FAM186A: variants seen among roughly 807,000 people sequenced by gnomAD.
The protein encoded by FAM186A is protein FAM186A.
In FAM186A, 163 loss-of-function variants were observed where a neutral mutation model predicts 216.8. The ratio of observed to expected loss-of-function variants is 0.75; its 90% confidence interval spans 0.66 to 0.86. FAM186A has a LOEUF of 0.86. Ranked by LOEUF, FAM186A falls within the 40% of genes least tolerant of loss-of-function variation. The pLI is 0.00. For missense variants in FAM186A, 2,184 were observed against 2,746.2 expected (o/e 0.80, Z 4.58); for synonymous variants, 805 against 1,025.3 (o/e 0.79, Z 4.10).
intron 1 of FAM186A, among the ~76,000 whole-genome samples, chr12:50,394,732 CTTTTTTTTTTTTTTT>C (rs71083561): frequency 3.4e-5 from 1 of 29,384 alleles, no homozygotes; most frequent in Non-Finnish European, 5.6e-5. Flanking sequence ...GGCTAACACT[CTTTTTTTTTTTTTTT>C]TTTTTTTTTT....
rs1010375624 is a variant in FAM186A at position 50,383,693 on chromosome 12, G to A, written c.192+12600C>T. Among the ~76,000 whole-genome samples the A allele has an allele frequency of 4.5e-4, 68 of 152,164 alleles. 1 individual carries two copies. Among genetic ancestry groups the A allele is most frequent in the Non-Finnish European group, 1.5e-4 (10 of 68,032 alleles). Reference sequence around the variant, plus strand: ...GTTTTTCTGTTGGCTGCAGCAGGCTGGCTGTGGTTTTTCTCTTGCCATGAC... The same window carrying A: ...GTTTTTCTGTTGGCTGCAGCAGGCTAGCTGTGGTTTTTCTCTTGCCATGAC... On this transcript the variant is annotated intron_variant, in intron 1 of 7. Transcript: ENST00000327337.
At chr12:50,346,237 A>AAAGAAAGAAAGAAAGAAAGAAAG (rs1383898895) in intron 4 of FAM186A, among the ~76,000 whole-genome samples, 14,638 of 102,062 alleles carry the variant, frequency 0.14, 4,074 homozygotes, top group East Asian at 0.18. Context: ...AAGAAAGAAA[A>AAAGAAAGAAAGAAAGAAAGAAAG]AAAGAAAGAA....
Position 50,344,866 on chromosome 12 carries a change from C to T in FAM186A, c.6503+5463G>A, listed in dbSNP as rs552068525. On this transcript the variant is annotated intron_variant, in intron 4 of 7. Transcript: ENST00000327337. The stretch of plus-strand genomic sequence containing the variant: ...GCATAGGCCTGTAGTCCCAGCTACT[C>T]GGAGGCTGATATGGGAAAATTGCAT... Among the ~76,000 whole-genome samples, 14 of 152,136 alleles carry T rather than the reference C, an allele frequency of 9.2e-5. No individual in the cohort carries two copies. In the South Asian group the frequency reaches 2.3e-3, roughly 25 times the overall value.
Position 50,351,263 on chromosome 12 carries a change from A to C in FAM186A, c.5569T>G (p.Ser1857Ala), listed in dbSNP as rs757088591. The change falls in exon 4 of 8, where the codon TCT becomes GCT. Residue 1857 changes from serine to alanine, a missense_variant. Ser to Ala is a moderately conservative substitution (Grantham distance 99). This residue lies in a region of FAM186A where 721 missense variants were observed against 816.4 expected (regional missense o/e 0.88). Coordinates refer to ENST00000327337, the MANE Select transcript of FAM186A (RefSeq NM_001145475.3). ...TCAGGAACTAAGGGCTGCCCAGGAGAAAGAGGAGCCCAGAGACTTGGAATC... is the reference window on the plus strand; with the variant it reads ...TCAGGAACTAAGGGCTGCCCAGGAGCAAGAGGAGCCCAGAGACTTGGAATC... ...GQIPSLWAPL[S>A]PGQPLVPEAS... 313 of 1,550,410 alleles carry C rather than the reference A, an allele frequency of 2.0e-4. No homozygotes were observed. The highest frequency in any genetic ancestry group is 2.6e-4 in the Non-Finnish European group (296 of 1,146,604).
At chr12:50,374,214 G>C (rs924158935) in intron 1 of FAM186A, among the ~76,000 whole-genome samples, 7 of 151,470 alleles carry the variant, frequency 4.6e-5, no homozygotes, top group Non-Finnish European at 7.4e-5. Flanking sequence ...TGACGAGTTA[G>C]TGGGTGCAGC....
In FAM186A at chr12:50,350,569, G is replaced by A. The variant is rs1942865881; in HGVS notation, c.6263C>T (p.Pro2088Leu). ...ILSSVSDTKK[P>L]KVMVPPSSPQ... Reference sequence around the variant, plus strand: ...AGAGGAAGGGGGCACCATTACTTTGGGTTTCTTGGTATCTGAAACTGAACT... The same window carrying A: ...AGAGGAAGGGGGCACCATTACTTTGAGTTTCTTGGTATCTGAAACTGAACT... Residue 2088 changes from proline to leucine, a missense_variant, in exon 4 of 8, where the codon CCC becomes CTC. Around this residue, in one of 7 missense-constraint regions of FAM186A, gnomAD observed 721 missense variants for 816.4 expected, o/e 0.88. Coordinates refer to ENST00000327337, the MANE Select transcript of FAM186A (RefSeq NM_001145475.3). The A allele has an allele frequency of 6.4e-7, 1 of 1,551,548 alleles. No individual in the cohort carries two copies. Among genetic ancestry groups the A allele is most frequent in the Non-Finnish European group, 8.7e-7 (1 of 1,146,984 alleles).
In FAM186A at chr12:50,383,249, T is replaced by TAAAAAAAAAA. The variant is rs1167515309; in HGVS notation, c.192+13034_192+13043dup. 1.7e-3 allele frequency among the ~76,000 whole-genome samples: 18 copies of TAAAAAAAAAA among 10,364 alleles called. 2 individuals carry two copies. The highest frequency in any genetic ancestry group is 9.6e-3 in the South Asian group (1 of 104). 6.8% of individuals were successfully genotyped at this position (10,364 alleles called of 152,430 possible). The stretch of plus-strand genomic sequence containing the variant: ...CTGGGTGACAGAGCAAGACTCCGTC[T>TAAAAAAAAAA]AAAAAAAAAAAAAAAAAAAAAAAAA... On this transcript the variant is annotated intron_variant, in intron 1 of 7. Coordinates refer to ENST00000327337, the MANE Select transcript of FAM186A (RefSeq NM_001145475.3).
intron 4 of FAM186A, among the ~76,000 whole-genome samples, chr12:50,341,382 A>G (rs1338639150): frequency 6.6e-6 from 1 of 152,190 alleles, no homozygotes; most frequent in Non-Finnish European, 1.5e-5. Flanking sequence ...TTATTATAAC[A>G]TTAAATATTA....
At chr12:50,387,977 T>C (rs986697774) in intron 1 of FAM186A, among the ~76,000 whole-genome samples, 4 of 152,204 alleles carry the variant, frequency 2.6e-5, no homozygotes, top group Admixed American at 1.3e-4. Context: ...ATATTCTCTC[T>C]GGGCACACCA....
intron 1 of FAM186A, among the ~76,000 whole-genome samples, chr12:50,379,479 C>CA (rs1555218642): frequency 8.8e-5 from 1 of 11,334 alleles, no homozygotes. Flanking sequence ...AAAACAAAAA[C>CA]AAAAACAAAA....
At chr12:50,331,545 T>C (rs2138756963) in intron 6 of FAM186A, 125 bp downstream of exon 6, 1 of 936,954 alleles carries the variant, frequency 1.1e-6, no homozygotes, top group East Asian at 3.0e-5. Flanking sequence ...CCCAGCCTAA[T>C]ACTCCTTTAG....
chr12:50,365,234 C>A (rs1421548071), intron 1 of FAM186A, among the ~76,000 whole-genome samples: 1 of 152,060 alleles, frequency 6.6e-6, no homozygotes, highest in Non-Finnish European at 1.5e-5. Flanking sequence ...AGTGCCAGTA[C>A]AATAAAACTG....
At chr12:50,356,809 G>A (rs1942981633) in intron 3 of FAM186A, among the ~76,000 whole-genome samples, 3 of 152,168 alleles carry the variant, frequency 2.0e-5, no homozygotes, top group Admixed American at 2.0e-4. Flanking sequence ...GACCAGCCTG[G>A]CCAATATGGT....
chr12:50,370,283 G>T (rs146726530), intron 1 of FAM186A, among the ~76,000 whole-genome samples: 137 of 151,774 alleles, frequency 9.0e-4, no homozygotes, highest in African/African-American at 3.2e-3. Context: ...CATCCTAGGC[G>T]ACAGAGTGAC....
chr12:50,347,864 T>A (rs1316750843), intron 4 of FAM186A, among the ~76,000 whole-genome samples: 1 of 151,896 alleles, frequency 6.6e-6, no homozygotes. Context: ...GGCAACAACC[T>A]CCTACATAAT....
intron 4 of FAM186A, among the ~76,000 whole-genome samples, chr12:50,337,242 C>T (rs577110532): frequency 8.3e-5 from 12 of 144,966 alleles, no homozygotes; most frequent in Non-Finnish European, 1.7e-4. Context: ...AAAAGTTTAA[C>T]TTCAAACTTA....
Position 50,380,071 on chromosome 12 carries a change from C to T in FAM186A, c.192+16222G>A, listed in dbSNP as rs138846307. Reference sequence around the variant, plus strand: ...GCACAGTAATGTTTCACATACATACCTTTCATATACTCGATAATAAACTGT... The same window carrying T: ...GCACAGTAATGTTTCACATACATACTTTTCATATACTCGATAATAAACTGT... On this transcript the variant is annotated intron_variant, in intron 1 of 7. Transcript: ENST00000327337. Among the ~76,000 whole-genome samples, 454 of 152,188 alleles carry T rather than the reference C, an allele frequency of 3.0e-3. 2 individuals are homozygous for T. The highest frequency in any genetic ancestry group is 0.01 in the African/African-American group (436 of 41,530).
At chr12:50,339,516 G>A (rs1487224471) in intron 4 of FAM186A, among the ~76,000 whole-genome samples, 1 of 152,018 alleles carries the variant, frequency 6.6e-6, no homozygotes, top group African/African-American at 2.4e-5. Flanking sequence ...TTATGCCTCT[G>A]TATGAGCTTT....
At chr12:50,335,331 T>C (rs1471018630) in intron 4 of FAM186A, among the ~76,000 whole-genome samples, 5 of 152,118 alleles carry the variant, frequency 3.3e-5, no homozygotes, top group African/African-American at 1.2e-4. Flanking sequence ...TTTTTTCATA[T>C]GTATAGATAT....
Sources: gnomAD v4.1 joint callset for allele counts (sites outside exome capture counted in the v4.1 genomes callset) on GRCh38, gnomAD v4.1.1 for gene constraint, gnomAD v4.1.1 regional missense constraint, MANE v1.5 for transcripts, NCBI Gene and HGNC (gene_info 2026-07-23, HGNC 2026-07-21) for gene names.